EPM2A: variants seen among roughly 807,000 people sequenced by gnomAD.
EPM2A encodes the protein laforin.
In EPM2A, 21 loss-of-function variants were observed where a neutral mutation model predicts 26.5. The ratio of observed to expected loss-of-function variants is 0.79; its 90% CI spans 0.56 to 1.14. The LOEUF (loss-of-function observed/expected upper bound fraction) is 1.14, where lower values mean the gene tolerates loss of function less well. EPM2A is among the 50% of genes most tolerant of loss of function. The probability of loss-of-function intolerance (pLI) is 0.00; values close to 1 mark genes in which losing one functional copy is unlikely to be tolerated. For missense variants in EPM2A, 458 were observed against 440.8 expected (o/e 1.04, Z -0.35); for synonymous variants, 217 against 177.6 (o/e 1.22, Z -1.76).
chr6:145,547,836 T>C (rs1188649940), intron 2 of EPM2A, among the ~76,000 whole-genome samples: 2 of 152,134 alleles, frequency 1.3e-5, no homozygotes, highest in African/African-American at 4.8e-5. Context: ...CCACAGACAC[T>C]ACCTTGGGTC....
chr6:145,514,694 A>T (rs1231099286), intron 2 of EPM2A, among the ~76,000 whole-genome samples: 1 of 152,158 alleles, frequency 6.6e-6, no homozygotes, highest in Non-Finnish European at 1.5e-5. Flanking sequence ...GACATTTTTC[A>T]TTCTCATAAC....
rs1363619522 is a variant in EPM2A, at chr6:145,539,738, T to C, written c.341-37163A>G. ...TTGTATTAACCATGACTTTTTGTTT[T>C]CCGTATTTTGATGCTTTGATGTATG... On this transcript the variant is annotated intron_variant, in intron 2 of 3. Transcript: ENST00000450221. 3.2e-4 allele frequency among the ~76,000 whole-genome samples: 48 copies of C among 152,194 alleles called. 1 individual carries two copies. Among genetic ancestry groups the C allele is most frequent in the Admixed American group, 3.1e-3 (48 of 15,282 alleles).
chr6:145,642,079 G>T (rs910537765), intron 2 of EPM2A, among the ~76,000 whole-genome samples: 1 of 152,084 alleles, frequency 6.6e-6, no homozygotes, highest in African/African-American at 2.4e-5. Context: ...CGTGTCAATA[G>T]ATTATAATTG....
intron 3 of EPM2A, chr6:145,630,964 CT>C (rs1238680608): frequency 1.3e-5 from 2 of 152,208 alleles, no homozygotes; most frequent in Non-Finnish European, 2.9e-5. Context: ...AACCACTGTA[CT>C]GTGGTCCTTC....
At chr6:145,553,455 C>T (rs1294832244) in intron 2 of EPM2A, among the ~76,000 whole-genome samples, 1 of 152,040 alleles carries the variant, frequency 6.6e-6, no homozygotes, top group Non-Finnish European at 1.5e-5. Flanking sequence ...TCTTGTATTG[C>T]TTAATTAGGG....
intron 2 of EPM2A, among the ~76,000 whole-genome samples, chr6:145,596,911 G>T (rs1256650603): frequency 1.0e-5 from 1 of 100,354 alleles, no homozygotes; most frequent in Non-Finnish European, 1.8e-5. Flanking sequence ...TTTTTGAGAC[G>T]GAGTCTCGCT....
Position 145,513,768 on chromosome 6 carries a change from C to T in EPM2A, c.341-11193G>A, listed in dbSNP as rs548055744. 2.0e-5 allele frequency among the ~76,000 whole-genome samples: 3 copies of T among 152,330 alleles called. No individual in the cohort carries two copies. In the East Asian group the frequency reaches 5.8e-4, roughly 29 times the overall value. ...TTAGAATCAAGTGCCTACTAACTCT[C>T]TTTTGACAGAAGAAGCCAGCCATCT... On this transcript the variant is annotated intron_variant, in intron 2 of 3. Coordinates refer to the EPM2A transcript ENST00000450221.
At chr6:145,431,952 G>A (rs181436493) in intron 4 of EPM2A, among the ~76,000 whole-genome samples, 170 of 152,254 alleles carry the variant, frequency 1.1e-3, no homozygotes, top group Non-Finnish European at 2.0e-3. Flanking sequence ...GATGCTCAGA[G>A]CATCTTCACC....
chr6:145,615,485 A>G (rs573304437), intron 2 of EPM2A, among the ~76,000 whole-genome samples: 1 of 152,160 alleles, frequency 6.6e-6, no homozygotes, highest in East Asian at 1.9e-4. Context: ...AAATTGGGGT[A>G]CCAATTTACA....
intron 2 of EPM2A, among the ~76,000 whole-genome samples, chr6:145,512,026 C>T (rs1052401970): frequency 6.6e-6 from 1 of 151,802 alleles, no homozygotes; most frequent in Non-Finnish European, 1.5e-5. Flanking sequence ...CAGAATAAAG[C>T]GTTAAGTACA....
chr6:145,734,564 G>T (rs1313675969), intron 1 of EPM2A: 1 of 152,080 alleles, frequency 6.6e-6, no homozygotes, highest in African/African-American at 2.4e-5. Flanking sequence ...AATCCAAAAA[G>T]GGAAATATTC....
At chr6:145,537,207 T>C (rs1780443749) in intron 2 of EPM2A, among the ~76,000 whole-genome samples, 1 of 152,232 alleles carries the variant, frequency 6.6e-6, no homozygotes, top group Non-Finnish European at 1.5e-5. Flanking sequence ...TCCTGGGTTG[T>C]ATATGGTAGA....
chr6:145,428,829 T>C (rs1778885898), intron 4 of EPM2A, among the ~76,000 whole-genome samples: 1 of 152,248 alleles, frequency 6.6e-6, no homozygotes. Flanking sequence ...TTTGGAAGCC[T>C]GCAGAGGCAG....
At chr6:145,732,375 T>C (rs1396884714) in intron 1 of EPM2A, among the ~76,000 whole-genome samples, 1 of 149,166 alleles carries the variant, frequency 6.7e-6, no homozygotes, top group Non-Finnish European at 1.5e-5. Flanking sequence ...CAATATTTTA[T>C]ATAAAACTGA....
intron 2 of EPM2A, among the ~76,000 whole-genome samples, chr6:145,596,875 ATCT>A (rs912590277): frequency 1.3e-4 from 15 of 118,080 alleles, no homozygotes; most frequent in African/African-American, 4.6e-4. Flanking sequence ...TCTCTCCGAG[ATCT>A]TTTTTTTTTT....
chr6:145,667,102 G>A (rs1377688807), intron 2 of EPM2A, among the ~76,000 whole-genome samples: 2 of 120,808 alleles, frequency 1.7e-5, no homozygotes, highest in Non-Finnish European at 3.3e-5. Context: ...ACATAGGCAT[G>A]GGCAAGGACT....
At chr6:145,489,992 A>T (rs1779733671) in intron 4 of EPM2A, 2 of 1,379,654 alleles carry the variant, frequency 1.4e-6, no homozygotes, top group Non-Finnish European at 2.0e-6. Flanking sequence ...GCTGTCCTGG[A>T]GCAGATCTGG....
intron 4 of EPM2A, chr6:145,490,458 A>G (rs991671653): frequency 1.2e-5 from 9 of 727,694 alleles, no homozygotes. Context: ...AAGGTTTTTC[A>G]CCTGTATGTT....
At chr6:145,722,647 T>G in intron 1 of EPM2A, 1 of 383,760 alleles carries the variant, frequency 2.6e-6, no homozygotes. Context: ...TGGGTTGAGC[T>G]GTGTCCCCCA....
Sources: gnomAD v4.1 joint callset for allele counts (sites outside exome capture counted in the v4.1 genomes callset) on GRCh38, gnomAD v4.1.1 for gene constraint, MANE v1.5 for transcripts, NCBI Gene and HGNC (gene_info 2026-07-23, HGNC 2026-07-21) for gene names.